The following CELF2 variants were observed in gnomAD, a reference collection of about 807,000 sequenced individuals.
CELF2 encodes the protein CUGBP Elav-like family member 2.
Under a neutral mutation model 62.6 loss-of-function variants are expected in CELF2, and 8 were observed. The observed-to-expected ratio is 0.13, with a 90% CI of 0.07 to 0.23. The LOEUF is 0.23. CELF2 is among the 10% of genes least tolerant of loss of function. The pLI, the probability that CELF2 is intolerant of heterozygous loss-of-function variation, is 1.00. For missense variants in CELF2, 333 were observed against 671.0 expected (o/e 0.50, Z 5.56); for synonymous variants, 258 against 250.0 (o/e 1.03, Z -0.30).
chr10:11,013,029 C>T (rs1303809096), upstream of CELF2, among the ~76,000 whole-genome samples: 1 of 152,178 alleles, frequency 6.6e-6, no homozygotes, highest in Non-Finnish European at 1.5e-5. The surrounding 1 kb of genome is among the most constrained non-coding windows in gnomAD (Gnocchi z 4.1). Flanking sequence ...CCTCCCCCTC[C>T]TCTTCCTGGT....
At chr10:10,589,139 G>A in the CELF2 span, among the ~76,000 whole-genome samples, 1 of 152,182 alleles carries the variant, frequency 6.6e-6, no homozygotes, top group Non-Finnish European at 1.5e-5. Flanking sequence ...GGTCCAGAAA[G>A]GCAGGACAAC....
intron 1 of CELF2, among the ~76,000 whole-genome samples, chr10:10,913,455 A>G (rs2063997511): frequency 7.5e-6 from 1 of 133,322 alleles, no homozygotes; most frequent in South Asian, 2.3e-4. Context: ...CAGTGGCGCA[A>G]TCTCAGCTCA....
At chr10:10,853,758 A>C (rs2059539026) in intron 1 of CELF2, among the ~76,000 whole-genome samples, 1 of 152,202 alleles carries the variant, frequency 6.6e-6, no homozygotes, top group South Asian at 2.1e-4. Context: ...CAGATGCCAG[A>C]TTTTAGCTTC....
intron 2 of CELF2, among the ~76,000 whole-genome samples, chr10:11,174,568 G>T (rs2070297410): frequency 6.6e-6 from 1 of 152,220 alleles, no homozygotes; most frequent in Admixed American, 6.5e-5. Context: ...TCTACTGGAA[G>T]ATCATAAATA....
chr10:10,965,769 C>G (rs2136074537), intron 2 of CELF2, among the ~76,000 whole-genome samples: 1 of 152,236 alleles, frequency 6.6e-6, no homozygotes, highest in South Asian at 2.1e-4. Context: ...AAGCTGAGCT[C>G]CAAATATATC....
At chr10:10,834,287 C>T (rs960815694) in intron 1 of CELF2, among the ~76,000 whole-genome samples, 1 of 152,136 alleles carries the variant, frequency 6.6e-6, no homozygotes, top group African/African-American at 2.4e-5. Context: ...TAGAGGGGAA[C>T]AGCACACACT....
the CELF2 span, among the ~76,000 whole-genome samples, chr10:10,481,218 C>T: frequency 6.6e-6 from 1 of 152,112 alleles, no homozygotes; most frequent in Non-Finnish European, 1.5e-5. Context: ...AGTCACTTGC[C>T]ATCATATTAA....
At chr10:10,618,701 T>C in the CELF2 span, among the ~76,000 whole-genome samples, 30 of 152,200 alleles carry the variant, frequency 2.0e-4, no homozygotes, top group Admixed American at 1.9e-3. Flanking sequence ...CTGGAGTAAC[T>C]ACCTGAAGGT....
rs1271053804 is a variant in CELF2 at position 11,321,545 on chromosome 10, G to A, written c.1294+159G>A. Among the ~76,000 whole-genome samples the A allele has an allele frequency of 5.9e-5, 9 of 151,800 alleles. No homozygotes were observed. Among genetic ancestry groups the A allele is most frequent in the African/African-American group, 2.2e-4 (9 of 41,474 alleles). ...AAAAAAAAAAAAAACTGAAAGCTGG[G>A]CATGGTGGCATACACCTGTAGTCGC... On this transcript the variant is annotated intron_variant, in intron 11 of 12. Transcript: ENST00000633077. The surrounding 1 kb of genome is among the most constrained non-coding windows in gnomAD (Gnocchi z 6.2).
At chr10:10,695,242 A>C in the CELF2 span, among the ~76,000 whole-genome samples, 3 of 145,706 alleles carry the variant, frequency 2.1e-5, no homozygotes, top group Non-Finnish European at 4.5e-5. Flanking sequence ...TCTGTAAAGT[A>C]TTTTATTTCT....
At chr10:10,831,136 G>T (rs888495546) in intron 1 of CELF2, among the ~76,000 whole-genome samples, 1 of 152,206 alleles carries the variant, frequency 6.6e-6, no homozygotes. Context: ...ACAAAGAAAG[G>T]AGTCCTCTTA....
chr10:11,265,136 G>T (rs1285887841), intron 5 of CELF2, among the ~76,000 whole-genome samples: 1 of 152,192 alleles, frequency 6.6e-6, no homozygotes, highest in African/African-American at 2.4e-5. Context: ...TTCGTGCAGA[G>T]CAAAAGAAGA....
At position 11,190,775 on chromosome 10, in the gene CELF2, TAAAAAAAAAA is replaced by T. The variant is rs11301213; in HGVS notation, c.271+25112_271+25121del. On this transcript the variant is annotated intron_variant, in intron 2 of 12. Coordinates refer to ENST00000633077, the MANE Select transcript of CELF2 (RefSeq NM_001326342.2). ...GGCTGGGTTTTGTATCTCTTTTCTT[TAAAAAAAAAA>T]AAAAAAAAAAAAAAAAAAGCCATTG... Among the ~76,000 whole-genome samples the T allele has an allele frequency of 7.2e-3, 391 of 54,016 alleles. 4 individuals are homozygous for T. The highest frequency in any genetic ancestry group is 0.026 in the African/African-American group (336 of 12,828). The allele number at this position is 54,016 out of a possible 152,430, so 35.4% of individuals were successfully genotyped here. A position where few individuals can be genotyped will look rare whatever the true frequency, so the allele number is the denominator to read the frequency against.
At chr10:10,620,046 A>T in the CELF2 span, among the ~76,000 whole-genome samples, 1 of 152,154 alleles carries the variant, frequency 6.6e-6, no homozygotes, top group Admixed American at 6.5e-5. Flanking sequence ...TCTCTAGGAG[A>T]TGAAAGGAAA....
chr10:11,033,327 G>A (rs1002158619), intron 1 of CELF2, among the ~76,000 whole-genome samples: 19 of 150,166 alleles, frequency 1.3e-4, no homozygotes, highest in Admixed American at 4.0e-4. Flanking sequence ...GCACCATCTC[G>A]GCGCACCGCA....
the CELF2 span, among the ~76,000 whole-genome samples, chr10:10,660,466 C>G: frequency 6.6e-6 from 1 of 152,126 alleles, no homozygotes; most frequent in Non-Finnish European, 1.5e-5. Context: ...TTCCAACCAC[C>G]ACTTACTTTA....
intron 1 of CELF2, among the ~76,000 whole-genome samples, chr10:11,037,284 A>G (rs1348490219): frequency 6.6e-6 from 1 of 152,210 alleles, no homozygotes; most frequent in African/African-American, 2.4e-5. Flanking sequence ...TGTCGTGAGA[A>G]CAGCGTGGGA....
At chr10:11,292,875 C>A (rs2092700077) in intron 9 of CELF2, among the ~76,000 whole-genome samples, 1 of 152,236 alleles carries the variant, frequency 6.6e-6, no homozygotes, top group African/African-American at 2.4e-5. Flanking sequence ...CTCAGTTCTC[C>A]CTGTGAAGCA....
chr10:11,278,160 G>A (rs1352522982), intron 8 of CELF2, among the ~76,000 whole-genome samples: 2 of 152,178 alleles, frequency 1.3e-5, no homozygotes, highest in South Asian at 2.1e-4. Flanking sequence ...GTAGTTGCAT[G>A]TATAAAATTG....
Sources: gnomAD v4.1 joint callset for allele counts (sites outside exome capture counted in the v4.1 genomes callset) on GRCh38, gnomAD v4.1.1 for gene constraint, Gnocchi (gnomAD v3.1) non-coding constraint, MANE v1.5 for transcripts, NCBI Gene and HGNC (gene_info 2026-07-23, HGNC 2026-07-21) for gene names.